The following ULK4 variants were observed in gnomAD, a reference collection of about 807,000 sequenced individuals.
The protein encoded by ULK4 is inactive serine/threonine-protein kinase ULK4.
Under a neutral mutation model 160.6 loss-of-function variants are expected in ULK4, and 133 were observed. That is an observed-to-expected ratio of 0.83 (90% CI 0.72 to 0.96). The LOEUF is 0.96. Ranked by LOEUF, ULK4 falls within the 40% of genes least tolerant of loss-of-function variation. The pLI is 0.00. For synonymous variants in ULK4, 534 were observed against 539.8 expected (o/e 0.99, Z 0.15); for missense variants, 1,580 against 1,499.5 (o/e 1.05, Z -0.89).
intron 32 of ULK4, among the ~76,000 whole-genome samples, chr3:41,469,206 C>T (rs1026004758): frequency 5.3e-5 from 8 of 152,138 alleles, no homozygotes; most frequent in African/African-American, 1.9e-4. Context: ...CTCAGTCAAG[C>T]TTCAAAGCTC....
At chr3:41,690,611 C>G (rs1230618686) in intron 27 of ULK4, among the ~76,000 whole-genome samples, 1 of 151,560 alleles carries the variant, frequency 6.6e-6, no homozygotes, top group Non-Finnish European at 1.5e-5. Context: ...TCCCACCAAC[C>G]AATACATTTT....
At chr3:41,924,350 C>A (rs1559653411) in intron 5 of ULK4, among the ~76,000 whole-genome samples, 1 of 152,170 alleles carries the variant, frequency 6.6e-6, no homozygotes, top group Non-Finnish European at 1.5e-5. Context: ...TAAAAGTTAA[C>A]CACCTATGAA....
intron 29 of ULK4, among the ~76,000 whole-genome samples, chr3:41,668,887 A>C (rs2035439149): frequency 6.6e-6 from 1 of 152,228 alleles, no homozygotes; most frequent in Non-Finnish European, 1.5e-5. Context: ...ATACTCTTAA[A>C]GTTTTTAAGT....
chr3:41,780,418 G>A (rs1302176812), intron 21 of ULK4, among the ~76,000 whole-genome samples: 1 of 151,920 alleles, frequency 6.6e-6, no homozygotes. Context: ...ATTTTAGGGA[G>A]AAAATATCGT....
In ULK4 at chr3:41,938,171, G is replaced by A. The variant is rs199939738; in HGVS notation, c.165C>T (p.His55=). The change falls in exon 3 of 37, where the codon CAC becomes CAT. Residue 55 remains histidine, a synonymous_variant. Transcript: ENST00000301831. The part of the protein sequence containing the change: ...NWVRLTREIK[H]KNIVTFHEWY... ...ATTCATGAAAAGTTACAATATTCTT[G>A]TGTTTTATTTCACGGGTGAGACGGA... is the stretch of plus-strand genomic sequence containing the variant. The A allele has an allele frequency of 9.5e-5, 154 of 1,612,876 alleles. No individual in the cohort carries two copies. In the African/African-American group the frequency reaches 1.8e-3, roughly 19 times the overall value.
At chr3:41,884,161 G>A (rs1031174225) in intron 16 of ULK4, among the ~76,000 whole-genome samples, 19 of 152,112 alleles carry the variant, frequency 1.2e-4, no homozygotes, top group African/African-American at 4.1e-4. Flanking sequence ...CGTAATGTCC[G>A]CTGCAATACT....
At chr3:41,290,173 C>A (rs149355916) in intron 35 of ULK4, among the ~76,000 whole-genome samples, 1 of 152,084 alleles carries the variant, frequency 6.6e-6, no homozygotes, top group South Asian at 2.1e-4. Context: ...CCATGCCCAG[C>A]CCAACTTTAT....
chr3:41,496,800 T>C (rs995972634), intron 32 of ULK4, among the ~76,000 whole-genome samples: 7 of 152,076 alleles, frequency 4.6e-5, no homozygotes, highest in Non-Finnish European at 7.4e-5. Flanking sequence ...ACTCTAGGTA[T>C]TCAACTGAGA....
At chr3:41,803,265 AC>A (rs1306568198) in intron 19 of ULK4, among the ~76,000 whole-genome samples, 1 of 150,068 alleles carries the variant, frequency 6.7e-6, no homozygotes, top group East Asian at 1.9e-4. Flanking sequence ...GGACATTTAT[AC>A]AACACTCCAC....
chr3:41,831,793 T>C (rs1266438228), intron 18 of ULK4, among the ~76,000 whole-genome samples: 1 of 152,098 alleles, frequency 6.6e-6, no homozygotes, highest in Non-Finnish European at 1.5e-5. Context: ...AGTGAGAATA[T>C]GCAGTGTTAG....
intron 31 of ULK4, among the ~76,000 whole-genome samples, chr3:41,585,624 T>C (rs2064539208): frequency 6.6e-6 from 1 of 152,164 alleles, no homozygotes; most frequent in Non-Finnish European, 1.5e-5. Context: ...ATTTCTGTTA[T>C]ATGACACCAA....
intron 35 of ULK4, among the ~76,000 whole-genome samples, chr3:41,339,752 T>A (rs2080642351): frequency 6.6e-6 from 1 of 152,208 alleles, no homozygotes. Context: ...TCCATGCAGC[T>A]AGAGGAAAAA....
intron 32 of ULK4, among the ~76,000 whole-genome samples, chr3:41,525,367 T>A (rs2086077080): frequency 6.6e-6 from 1 of 152,264 alleles, no homozygotes; most frequent in African/African-American, 2.4e-5. Flanking sequence ...AATATTTTGA[T>A]GCACATGCTG....
At chr3:41,424,976 G>A (rs1361177887) in intron 34 of ULK4, among the ~76,000 whole-genome samples, 1 of 152,004 alleles carries the variant, frequency 6.6e-6, no homozygotes, top group African/African-American at 2.4e-5. Context: ...AGGCTTCAAA[G>A]GTGAGTAATA....
chr3:41,694,470 G>A (rs1312379879), intron 27 of ULK4, among the ~76,000 whole-genome samples: 3 of 152,104 alleles, frequency 2.0e-5, no homozygotes, highest in African/African-American at 7.2e-5. Context: ...TTTGAACATG[G>A]CCTAGAGAGA....
At chr3:41,433,135 G>A (rs142609197) in intron 34 of ULK4, among the ~76,000 whole-genome samples, 89 of 152,188 alleles carry the variant, frequency 5.8e-4, no homozygotes, top group Non-Finnish European at 1.0e-3. Context: ...GAGTTCTTAC[G>A]AATCAATGAA....
Position 41,902,296 on chromosome 3 carries a change from G to C in ULK4, c.1183-1467C>G, listed in dbSNP as rs528452907. ...GACAAAAGACAAGAAAACACAAAAA[G>C]AGGCCGGGTGCAGTGGCTTAGGCCT... On this transcript the variant is annotated intron_variant, in intron 12 of 36. Coordinates refer to ENST00000301831, the MANE Select transcript of ULK4 (RefSeq NM_017886.4). Among the ~76,000 whole-genome samples, 11 of 152,178 alleles carry C rather than the reference G, an allele frequency of 7.2e-5. No homozygotes were observed. In the South Asian group the frequency reaches 2.3e-3, roughly 32 times the overall value.
rs76303962 is a variant in ULK4 at position 41,386,251 on chromosome 3, T to A, written c.3678+11828A>T. On this transcript the variant is annotated intron_variant, in intron 35 of 36. Coordinates refer to ENST00000301831, the MANE Select transcript of ULK4 (RefSeq NM_017886.4). ...TCCTTTTTTTACAACTAGAGTCTAA[T>A]TTTGCATTTCATTTTGTGGCCTGCT... Among the ~76,000 whole-genome samples, 1,016 of 152,304 alleles carry A rather than the reference T, an allele frequency of 6.7e-3. 4 individuals carry two copies. The highest frequency in any genetic ancestry group is 0.015 in the East Asian group (78 of 5,190).
chr3:41,875,909 G>A, intron 17 of ULK4, among the ~76,000 whole-genome samples: 1 of 148,122 alleles, frequency 6.8e-6, no homozygotes, highest in East Asian at 2.0e-4. Context: ...GACACTGCAT[G>A]CTTCCTGATG....
Sources: allele counts gnomAD v4.1 joint callset (sites outside exome capture counted in the v4.1 genomes callset), GRCh38; gene constraint gnomAD v4.1.1; transcripts MANE v1.5; gene names NCBI Gene and HGNC (gene_info 2026-07-23, HGNC 2026-07-21).